LRMDA: variants seen among roughly 807,000 people sequenced by gnomAD.
The protein encoded by LRMDA is leucine rich melanocyte differentiation associated.
A neutral mutation model predicts 29.8 loss-of-function variants in LRMDA; 18 were observed. The ratio of observed to expected loss-of-function variants is 0.60; its 90% CI spans 0.42 to 0.90. LRMDA has a LOEUF of 0.90. LRMDA is among the 40% of genes least tolerant of loss of function. The pLI is 0.00. For missense variants in LRMDA, 273 were observed against 273.9 expected (o/e 1.00, Z 0.02); for synonymous variants, 125 against 109.4 (o/e 1.14, Z -0.89).
At chr10:75,725,518 G>A (rs751703441) in intron 2 of LRMDA, among the ~76,000 whole-genome samples, 2 of 152,148 alleles carry the variant, frequency 1.3e-5, no homozygotes, top group African/African-American at 4.8e-5. Flanking sequence ...TTCCTACATC[G>A]TTTTTGAGTA....
At chr10:75,827,710 A>G (rs1051933314) in intron 2 of LRMDA, among the ~76,000 whole-genome samples, 8 of 152,256 alleles carry the variant, frequency 5.3e-5, no homozygotes, top group African/African-American at 1.7e-4. Context: ...TCTGTTTTCA[A>G]TAATTCCTCG....
intron 6 of LRMDA, among the ~76,000 whole-genome samples, chr10:76,407,585 T>C (rs536833575): frequency 6.6e-6 from 1 of 152,290 alleles, no homozygotes; most frequent in African/African-American, 2.4e-5. Flanking sequence ...CCCTGTAAAA[T>C]AGATTTTATG....
chr10:75,432,229 A>G (rs1844207775), intron 1 of LRMDA, among the ~76,000 whole-genome samples: 1 of 152,264 alleles, frequency 6.6e-6, no homozygotes, highest in African/African-American at 2.4e-5. Flanking sequence ...TATGAAGGCA[A>G]AAGTGTCTAG....
At chr10:76,212,122 A>G (rs1361229032) in intron 5 of LRMDA, among the ~76,000 whole-genome samples, 1 of 152,176 alleles carries the variant, frequency 6.6e-6, no homozygotes, top group Non-Finnish European at 1.5e-5. Flanking sequence ...CCATTAACCT[A>G]CAAATGTTGA....
intron 4 of LRMDA, among the ~76,000 whole-genome samples, chr10:76,049,221 G>A (rs574530324): frequency 6.6e-6 from 1 of 152,314 alleles, no homozygotes; most frequent in African/African-American, 2.4e-5. Context: ...TGTTCCCTTG[G>A]AAGGAGTTGA....
intron 6 of LRMDA, among the ~76,000 whole-genome samples, chr10:76,539,407 T>C (rs1266166537): frequency 2.0e-5 from 3 of 152,152 alleles, no homozygotes; most frequent in African/African-American, 7.2e-5. Context: ...CTTTACATGC[T>C]AAGAAGCTGA....
At chr10:75,432,225 G>A (rs1343796225) in intron 1 of LRMDA, among the ~76,000 whole-genome samples, 1 of 152,252 alleles carries the variant, frequency 6.6e-6, no homozygotes, top group Non-Finnish European at 1.5e-5. Context: ...GGTTTATGAA[G>A]GCAAAAGTGT....
At chr10:76,402,879 C>T (rs1307461623) in intron 6 of LRMDA, among the ~76,000 whole-genome samples, 2 of 152,094 alleles carry the variant, frequency 1.3e-5, no homozygotes, top group Non-Finnish European at 2.9e-5. Context: ...AGACATGTAA[C>T]TTACAAGGAT....
chr10:76,359,707 A>G (rs1225593492), intron 6 of LRMDA, among the ~76,000 whole-genome samples: 1 of 152,246 alleles, frequency 6.6e-6, no homozygotes, highest in Non-Finnish European at 1.5e-5. Flanking sequence ...GTAATCAGGT[A>G]GACTTCTAAT....
chr10:76,018,699 C>T (rs1427221087), intron 2 of LRMDA, among the ~76,000 whole-genome samples: 1 of 147,636 alleles, frequency 6.8e-6, no homozygotes, highest in Non-Finnish European at 1.5e-5. Context: ...TCCCGAGTTC[C>T]TGAGACTACA....
chr10:76,196,280 C>G (rs1004765942), intron 5 of LRMDA, among the ~76,000 whole-genome samples: 4 of 152,156 alleles, frequency 2.6e-5, no homozygotes, highest in Non-Finnish European at 5.9e-5. Flanking sequence ...TTATGGGATG[C>G]TTATTGTCTA....
intron 5 of LRMDA, among the ~76,000 whole-genome samples, chr10:76,252,598 C>T (rs1202613100): frequency 6.6e-6 from 1 of 152,160 alleles, no homozygotes; most frequent in Non-Finnish European, 1.5e-5. Flanking sequence ...GGTCAGAGGC[C>T]AGGTTTTAAC....
intron 2 of LRMDA, among the ~76,000 whole-genome samples, chr10:75,781,125 C>G (rs995557531): frequency 2.0e-5 from 3 of 152,168 alleles, no homozygotes; most frequent in African/African-American, 7.2e-5. Context: ...CTGATTGCCC[C>G]AGGTAGTCAT....
intron 6 of LRMDA, among the ~76,000 whole-genome samples, chr10:76,536,651 G>A (rs1315555195): frequency 2.0e-5 from 3 of 151,980 alleles, no homozygotes; most frequent in Admixed American, 2.0e-4. Context: ...TAACATTTTG[G>A]CAAGCATAGG....
In LRMDA at chr10:76,047,263, G is replaced by T; in HGVS notation, c.358G>T (p.Val120Phe). The change falls in exon 4 of 7, where the codon GTC becomes TTC. Residue 120 changes from valine to phenylalanine, a missense_variant. Physicochemically the swap from Val to Phe is conservative, Grantham distance 50 (BLOSUM62 -1). Transcript: ENST00000611255. ...LGNVACPNEL[V>F]SLEKDEEDYK... Reference sequence around the variant, plus strand: ...CAACGTGGCCTGTCCCAACGAGCTGGTCAGCTTGGAAAAGGATGAGGAAGA... The same window carrying T: ...CAACGTGGCCTGTCCCAACGAGCTGTTCAGCTTGGAAAAGGATGAGGAAGA... 6.2e-7 allele frequency: 1 copy of T among 1,613,998 alleles called. No homozygotes were observed. Among genetic ancestry groups the T allele is most frequent in the Non-Finnish European group, 8.5e-7 (1 of 1,179,928 alleles).
At chr10:76,409,665 T>A (rs530122510) in intron 6 of LRMDA, among the ~76,000 whole-genome samples, 1 of 152,216 alleles carries the variant, frequency 6.6e-6, no homozygotes. Flanking sequence ...TTTTATGTTA[T>A]ATATCTCCAT....
At chr10:76,239,529 A>G (rs1266667242) in intron 5 of LRMDA, among the ~76,000 whole-genome samples, 1 of 151,666 alleles carries the variant, frequency 6.6e-6, no homozygotes, top group African/African-American at 2.4e-5. Context: ...TTAGTCTTTA[A>G]TCATCTCCCT....
chr10:76,449,785 G>T (rs775334726), intron 6 of LRMDA, among the ~76,000 whole-genome samples: 4 of 151,890 alleles, frequency 2.6e-5, no homozygotes, highest in Admixed American at 2.0e-4. Context: ...TCAAGTACCA[G>T]TTTCTAATGA....
intron 2 of LRMDA, among the ~76,000 whole-genome samples, chr10:75,608,108 GTGTATA>G (rs1471585557): frequency 4.5e-5 from 4 of 88,448 alleles, no homozygotes; most frequent in Admixed American, 1.2e-4. Context: ...ATTGTAGTGT[GTGTATA>G]TATATATATA....
Sources: allele counts gnomAD v4.1 joint callset (sites outside exome capture counted in the v4.1 genomes callset), GRCh38; gene constraint gnomAD v4.1.1; transcripts MANE v1.5; gene names NCBI Gene and HGNC (gene_info 2026-07-23, HGNC 2026-07-21).